The following HS3ST3B1 variants were observed in gnomAD, a reference collection of about 807,000 sequenced individuals.
HS3ST3B1 encodes heparan sulfate glucosamine 3-O-sulfotransferase 3B1.
A neutral mutation model predicts 21.3 loss-of-function variants in HS3ST3B1; 13 were observed. The ratio of observed to expected loss-of-function variants is 0.61; its 90% CI spans 0.40 to 0.97. HS3ST3B1 has a LOEUF of 0.97. Ranked by LOEUF, HS3ST3B1 falls within the 50% of genes least tolerant of loss-of-function variation. HS3ST3B1 has a pLI of 0.00. For synonymous variants in HS3ST3B1, 234 were observed against 254.8 expected (o/e 0.92, Z 0.78); for missense variants, 459 against 554.8 (o/e 0.83, Z 1.73).
chr17:14,330,228 A>G (rs903879980), intron 1 of HS3ST3B1, among the ~76,000 whole-genome samples: 3 of 152,172 alleles, frequency 2.0e-5, no homozygotes, highest in Non-Finnish European at 4.4e-5. Context: ...TTCAAACACC[A>G]AATATTTATA....
intron 1 of HS3ST3B1, among the ~76,000 whole-genome samples, chr17:14,320,754 A>C (rs1229270713): frequency 6.6e-6 from 1 of 152,152 alleles, no homozygotes; most frequent in East Asian, 1.9e-4. Context: ...GTCTTTCATT[A>C]AGTTGAAGCC....
Position 14,301,276 on chromosome 17 carries a change from C to G in HS3ST3B1, c.-243C>G. 2.0e-6 allele frequency: 1 copy of G among 494,202 alleles called. No individual in the cohort carries two copies. The highest frequency in any genetic ancestry group is 3.5e-6 in the Non-Finnish European group (1 of 283,860). 30.6% of individuals were successfully genotyped at this position (494,202 alleles called of 1,614,324 possible). On this transcript the variant is annotated 5_prime_UTR_variant, in exon 1 of 2. Coordinates refer to ENST00000360954, the MANE Select transcript of HS3ST3B1 (RefSeq NM_006041.3). Reference sequence around the variant, plus strand: ...CAGACCCTCGCCCAGCAGTTACCGCCGTCCCGACTTTCCGTTCCAGTTGCA... The same window carrying G: ...CAGACCCTCGCCCAGCAGTTACCGCGGTCCCGACTTTCCGTTCCAGTTGCA...
chr17:14,342,873 A>G (rs1432886075), intron 1 of HS3ST3B1, among the ~76,000 whole-genome samples: 5 of 152,232 alleles, frequency 3.3e-5, no homozygotes, highest in African/African-American at 1.2e-4. Context: ...TTCCTTTAAA[A>G]GAATATATGT....
At position 14,348,039 on chromosome 17, in the gene HS3ST3B1, C is replaced by T. The variant is rs1330361051; in HGVS notation, c.*2393C>T. Reference sequence around the variant, plus strand: ...TGAAGTAAAAGGCAGTATCCAAGTCCTTCACCTGGTCTTGCCCTGTCTACT... The same window carrying T: ...TGAAGTAAAAGGCAGTATCCAAGTCTTTCACCTGGTCTTGCCCTGTCTACT... On this transcript the variant is annotated 3_prime_UTR_variant, in exon 2 of 2. Transcript: ENST00000360954. The T allele has an allele frequency of 6.6e-6, 1 of 152,202 alleles. No individual in the cohort carries two copies. The highest frequency in any genetic ancestry group is 1.5e-5 in the Non-Finnish European group (1 of 68,048). 9.4% of individuals were successfully genotyped at this position (152,202 alleles called of 1,614,324 possible).
chr17:14,327,465 T>G (rs1238154283), intron 1 of HS3ST3B1: 2 of 152,184 alleles, frequency 1.3e-5, no homozygotes, highest in Non-Finnish European at 2.9e-5. Context: ...TTATCACATT[T>G]GTTGTGTGTT....
At chr17:14,305,486 A>C (rs1909103559) in intron 1 of HS3ST3B1, 1 of 152,222 alleles carries the variant, frequency 6.6e-6, no homozygotes, top group Admixed American at 6.5e-5. Flanking sequence ...GAATGACCAA[A>C]AATTAAATCT....
chr17:14,343,221 G>A (rs7219643), intron 1 of HS3ST3B1, among the ~76,000 whole-genome samples: 22,940 of 150,636 alleles, frequency 0.15, 1,796 homozygotes, highest in African/African-American at 0.19. Flanking sequence ...CAGCCTGGGT[G>A]ACAGAGCGAG....
At chr17:14,313,789 C>CGAACT (rs1442010993) in intron 1 of HS3ST3B1, among the ~76,000 whole-genome samples, 1 of 151,546 alleles carries the variant, frequency 6.6e-6, no homozygotes, top group Non-Finnish European at 1.5e-5. Context: ...AGGCTGGTCT[C>CGAACT]GAACTCCTGA....
At chr17:14,326,473 T>G (rs1909820439) in intron 1 of HS3ST3B1, among the ~76,000 whole-genome samples, 3 of 152,206 alleles carry the variant, frequency 2.0e-5, no homozygotes, top group Non-Finnish European at 2.9e-5. Flanking sequence ...TTTCTAACCT[T>G]ATTTGCCATC....
intron 1 of HS3ST3B1, among the ~76,000 whole-genome samples, chr17:14,308,896 A>G (rs888132180): frequency 1.3e-5 from 2 of 152,194 alleles, no homozygotes; most frequent in Non-Finnish European, 2.9e-5. Context: ...CTTGCTTAGA[A>G]ACCCATAAAA....
In HS3ST3B1 at chr17:14,314,167, CA is replaced by C. The variant is rs370861426; in HGVS notation, c.554+12096del. 1.8e-3 allele frequency among the ~76,000 whole-genome samples: 275 copies of C among 151,968 alleles called. 1 individual carries two copies. The highest frequency in any genetic ancestry group is 6.2e-3 in the African/African-American group (258 of 41,432). On this transcript the variant is annotated intron_variant, in intron 1 of 1. Coordinates refer to ENST00000360954, the MANE Select transcript of HS3ST3B1 (RefSeq NM_006041.3). The stretch of plus-strand genomic sequence containing the variant: ...GCTCATTTTGTATTATTAGTAGAGA[CA>C]GGGTTTCTCCATGTTGGTCAGGCTG...
At chr17:14,316,894 G>T (rs1284943089) in intron 1 of HS3ST3B1, among the ~76,000 whole-genome samples, 2 of 152,350 alleles carry the variant, frequency 1.3e-5, no homozygotes, top group South Asian at 2.1e-4. Context: ...AGTTACAGGA[G>T]TATCTGGATT....
intron 1 of HS3ST3B1, among the ~76,000 whole-genome samples, chr17:14,306,231 C>T: frequency 6.6e-6 from 1 of 152,146 alleles, no homozygotes; most frequent in Admixed American, 6.5e-5. Flanking sequence ...TGAGGATAAT[C>T]ACACCACCGT....
chr17:14,324,175 A>G (rs988063952), intron 1 of HS3ST3B1, among the ~76,000 whole-genome samples: 6 of 152,300 alleles, frequency 3.9e-5, no homozygotes, highest in Admixed American at 3.9e-4. Context: ...ACATGGAGAC[A>G]GGACGTAAAT....
intron 1 of HS3ST3B1, chr17:14,329,359 AAGAAAGAAAAGG>A (rs1208274747): frequency 1.8e-5 from 2 of 111,390 alleles, no homozygotes; most frequent in African/African-American, 7.2e-5. Context: ...GAAAGAAAGA[AAGAAAGAAAAGG>A]AAGGAAGGAA....
intron 1 of HS3ST3B1, among the ~76,000 whole-genome samples, chr17:14,310,072 T>C (rs1909259637): frequency 6.6e-6 from 1 of 152,160 alleles, no homozygotes; most frequent in South Asian, 2.1e-4. Context: ...ATTCCGCAGA[T>C]TCAGTGGATA....
At chr17:14,316,057 G>A (rs772002249) in intron 1 of HS3ST3B1, among the ~76,000 whole-genome samples, 2 of 151,940 alleles carry the variant, frequency 1.3e-5, no homozygotes, top group African/African-American at 2.4e-5. Context: ...GGCCATATTC[G>A]CCAAACATGT....
rs1217410160 is a variant in HS3ST3B1 at position 14,346,228 on chromosome 17, A to G, written c.*582A>G. Reference sequence around the variant, plus strand: ...AATTTCTCACTCCCTTTACAGGGACATCCACATCCTTTTTTTTTCTTTTTT... The same window carrying G: ...AATTTCTCACTCCCTTTACAGGGACGTCCACATCCTTTTTTTTTCTTTTTT... On this transcript the variant is annotated 3_prime_UTR_variant, in exon 2 of 2. Transcript: ENST00000360954. The G allele has an allele frequency of 6.8e-6, 1 of 146,852 alleles. No homozygotes were observed. The highest frequency in any genetic ancestry group is 2.5e-5 in the African/African-American group (1 of 39,390). 9.1% of individuals were successfully genotyped at this position (146,852 alleles called of 1,614,324 possible).
intron 1 of HS3ST3B1, among the ~76,000 whole-genome samples, chr17:14,315,719 G>A (rs1909476858): frequency 6.6e-6 from 1 of 151,926 alleles, no homozygotes; most frequent in Admixed American, 6.6e-5. Flanking sequence ...TACTCAGGAG[G>A]CTGGAGCAGG....
Sources: allele counts gnomAD v4.1 joint callset (sites outside exome capture counted in the v4.1 genomes callset), GRCh38; gene constraint gnomAD v4.1.1; transcripts MANE v1.5; gene names NCBI Gene and HGNC (gene_info 2026-07-23, HGNC 2026-07-21).